CFAP77: variants seen among roughly 807,000 people sequenced by gnomAD.
CFAP77 encodes cilia and flagella associated protein 77, also known as cilia- and flagella-associated protein 77.
Under a neutral mutation model 31.1 loss-of-function variants are expected in CFAP77, and 25 were observed. The ratio of observed to expected loss-of-function variants is 0.80; its 90% CI spans 0.59 to 1.12. The LOEUF is 1.12. Ranked by LOEUF, CFAP77 falls within the 50% of genes most tolerant of loss-of-function variation. CFAP77 has a pLI of 0.00. For missense variants in CFAP77, 377 were observed against 397.3 expected, an observed-to-expected ratio of 0.95 and a Z score of 0.44; for synonymous variants, 151 against 159.9, an observed-to-expected ratio of 0.94 and a Z score of 0.42.
At chr9:132,557,412 CAG>C (rs1852922402) in intron 5 of CFAP77, among the ~76,000 whole-genome samples, 2 of 152,340 alleles carry the variant, frequency 1.3e-5, no homozygotes, top group East Asian at 3.9e-4. Flanking sequence ...GGTCGACTCT[CAG>C]AGCCTGCTGG....
At chr9:132,432,095 GAAC>G (rs1234102547) in intron 1 of CFAP77, among the ~76,000 whole-genome samples, 1 of 152,160 alleles carries the variant, frequency 6.6e-6, no homozygotes, top group Non-Finnish European at 1.5e-5. Flanking sequence ...GCACGTCAGG[GAAC>G]AACAATTCAA....
rs1374083685 is a variant in CFAP77, at chr9:132,572,618, T to G, written c.*108T>G. On this transcript the variant is annotated 3_prime_UTR_variant, in exon 6 of 6. Coordinates refer to ENST00000393216, the MANE Select transcript of CFAP77 (RefSeq NM_001282957.2). Reference sequence around the variant, plus strand: ...CATTCCCCCATTTTTATGCAGGTTCTGCTTCAAGGAGCTCAGATTCAAGTC... The same window carrying G: ...CATTCCCCCATTTTTATGCAGGTTCGGCTTCAAGGAGCTCAGATTCAAGTC... 1 of 1,139,142 alleles carries G rather than the reference T, an allele frequency of 8.8e-7. No homozygotes were observed. The highest frequency in any genetic ancestry group is 1.6e-5 in the African/African-American group (1 of 64,030). 70.6% of individuals were successfully genotyped at this position (1,139,142 alleles called of 1,614,324 possible).
At chr9:132,421,418 CAG>C (rs1162884797) in intron 1 of CFAP77, among the ~76,000 whole-genome samples, 2 of 152,126 alleles carry the variant, frequency 1.3e-5, no homozygotes, top group African/African-American at 2.4e-5. Flanking sequence ...CTTTAAGAAA[CAG>C]AATACAGAAT....
At chr9:132,491,912 A>G (rs1013640017) in intron 1 of CFAP77, among the ~76,000 whole-genome samples, 2 of 152,240 alleles carry the variant, frequency 1.3e-5, no homozygotes, top group Non-Finnish European at 2.9e-5. Context: ...TTCCAAAAAC[A>G]TATTGATGAT....
intron 3 of CFAP77, among the ~76,000 whole-genome samples, chr9:132,510,122 G>A (rs1222867731): frequency 6.6e-6 from 1 of 152,146 alleles, no homozygotes; most frequent in African/African-American, 2.4e-5. Context: ...GGATGGGGCC[G>A]CCACTCCCCC....
intron 1 of CFAP77, among the ~76,000 whole-genome samples, chr9:132,491,205 C>A (rs1201453579): frequency 6.6e-6 from 1 of 152,224 alleles, no homozygotes; most frequent in Non-Finnish European, 1.5e-5. Context: ...TGGTGGCCCA[C>A]TCCTGTAATC....
intron 1 of CFAP77, among the ~76,000 whole-genome samples, chr9:132,460,610 G>A (rs1266524628): frequency 6.6e-6 from 1 of 152,156 alleles, no homozygotes; most frequent in Non-Finnish European, 1.5e-5. Flanking sequence ...CTAAGACCGG[G>A]GAGATGGGGG....
chr9:132,482,784 A>G (rs1355463755), intron 1 of CFAP77, among the ~76,000 whole-genome samples: 2 of 109,142 alleles, frequency 1.8e-5, no homozygotes, highest in African/African-American at 7.5e-5. Flanking sequence ...GGGGAACATC[A>G]CACTCTGGGG....
chr9:132,510,986 C>T (rs1199291334), intron 3 of CFAP77, among the ~76,000 whole-genome samples: 1 of 152,104 alleles, frequency 6.6e-6, no homozygotes, highest in Non-Finnish European at 1.5e-5. Flanking sequence ...GCAAAGGGGT[C>T]ACGCTGGGAT....
chr9:132,444,894 A>G (rs1345105654), intron 1 of CFAP77, among the ~76,000 whole-genome samples: 1 of 151,486 alleles, frequency 6.6e-6, no homozygotes, highest in Non-Finnish European at 1.5e-5. Context: ...ATCTTGCAAA[A>G]CTGAAACTCT....
At chr9:132,479,354 C>CCACCA (rs1851405936) in intron 1 of CFAP77, among the ~76,000 whole-genome samples, 2 of 152,234 alleles carry the variant, frequency 1.3e-5, no homozygotes, top group African/African-American at 2.4e-5. Context: ...ATTGTTCATC[C>CCACCA]TACCATCGTG....
At chr9:132,469,658 C>CT (rs1045611191) in intron 1 of CFAP77, among the ~76,000 whole-genome samples, 1 of 151,922 alleles carries the variant, frequency 6.6e-6, no homozygotes, top group African/African-American at 2.4e-5. Flanking sequence ...ATTTGCCCAC[C>CT]TTTTTAAAAA....
At chr9:132,477,623 A>T (rs1851372142) in intron 1 of CFAP77, among the ~76,000 whole-genome samples, 1 of 152,036 alleles carries the variant, frequency 6.6e-6, no homozygotes, top group African/African-American at 2.4e-5. Context: ...AGCTGTCTGC[A>T]CTCCAGGCTG....
At chr9:132,410,510 G>C (rs1353184667) in intron 1 of CFAP77, 44 bp downstream of exon 1, 2 of 1,485,178 alleles carry the variant, frequency 1.3e-6, no homozygotes, top group South Asian at 1.3e-5. Flanking sequence ...CGCCGGCTCC[G>C]GGCACCTGCG....
chr9:132,526,027 G>C (rs1852353906), intron 3 of CFAP77, among the ~76,000 whole-genome samples: 1 of 151,810 alleles, frequency 6.6e-6, no homozygotes, highest in South Asian at 2.1e-4. Flanking sequence ...TTCCAGTTTT[G>C]CACTGTTACA....
intron 1 of CFAP77, among the ~76,000 whole-genome samples, chr9:132,464,016 G>T (rs937987612): frequency 6.6e-6 from 1 of 152,192 alleles, no homozygotes; most frequent in African/African-American, 2.4e-5. Flanking sequence ...TGGGAATCAC[G>T]GAAAGAGGCT....
intron 5 of CFAP77, among the ~76,000 whole-genome samples, chr9:132,544,883 T>C (rs765694234): frequency 4.6e-5 from 7 of 152,166 alleles, no homozygotes; most frequent in Non-Finnish European, 1.0e-4. Context: ...TCCACTGGCA[T>C]GGGCTGCCCT....
chr9:132,478,454 C>T (rs1851388098), intron 1 of CFAP77, among the ~76,000 whole-genome samples: 1 of 152,180 alleles, frequency 6.6e-6, no homozygotes, highest in African/African-American at 2.4e-5. Flanking sequence ...AGGCTGTACT[C>T]GCCGAGAACA....
rs143405647 is a variant in CFAP77, at chr9:132,455,661, G to T, written c.196-43034G>T. On this transcript the variant is annotated intron_variant, in intron 1 of 5. Coordinates refer to ENST00000393216, the MANE Select transcript of CFAP77 (RefSeq NM_001282957.2). The surrounding 1 kb of genome is among the most constrained non-coding windows in gnomAD (Gnocchi z 4.1). ...TGGGAGGATCGCTTGAGCCTGGGAG[G>T]CGGAGGTTGTAGTGAGTTGAGATCG... is the stretch of plus-strand genomic sequence containing the variant. Among the ~76,000 whole-genome samples the T allele has an allele frequency of 3.1e-4, 47 of 152,272 alleles. No individual in the cohort carries two copies. The East Asian group carries it at 8.7e-3, about 28-fold the overall frequency.
Sources: allele counts gnomAD v4.1 joint callset (sites outside exome capture counted in the v4.1 genomes callset), GRCh38; gene constraint gnomAD v4.1.1; non-coding constraint Gnocchi (gnomAD v3.1); transcripts MANE v1.5; gene names NCBI Gene and HGNC (gene_info 2026-07-23, HGNC 2026-07-21).